The following NCSTN variants were observed in gnomAD, a reference collection of about 807,000 sequenced individuals.
The protein encoded by NCSTN is nicastrin, also known as anterior pharynx-defective 2.
A neutral mutation model predicts 87.0 loss-of-function variants in NCSTN; 22 were observed. That is an observed-to-expected ratio of 0.25 (90% confidence interval 0.18 to 0.36). NCSTN has a LOEUF of 0.36. Among genes scored for constraint, NCSTN ranks in the 10% least tolerant of loss-of-function variants. The probability of loss-of-function intolerance (pLI) is 1.00; values close to 1 mark genes in which losing one functional copy is unlikely to be tolerated. For missense variants in NCSTN, 693 were observed against 883.3 expected (o/e 0.78, Z 2.73); for synonymous variants, 306 against 327.1 (o/e 0.94, Z 0.69).
At position 160,350,105 on chromosome 1, in the gene NCSTN, G is replaced by T; in HGVS notation, c.437G>T (p.Gly146Val). The change falls in exon 5 of 17, where the codon GGT becomes GTT. Residue 146 changes from glycine to valine, a missense_variant and splice_region_variant. Physicochemically the swap from Gly to Val is moderately radical, Grantham distance 109. Coordinates refer to ENST00000294785, the MANE Select transcript of NCSTN (RefSeq NM_015331.3). ...PSVQCPNDGF[G>V]VYSNSYGPEF... ...CCCTATTCCCCATCCTTCCCTTCAG[G>T]TGTTTACTCCAATTCCTATGGGCCA... The T allele has an allele frequency of 6.2e-7, 1 of 1,613,898 alleles. No homozygotes were observed. The highest frequency in any genetic ancestry group is 8.5e-7 in the Non-Finnish European group (1 of 1,179,868).
At chr1:160,343,769 C>T in intron 1 of NCSTN, 1 of 656,036 alleles carries the variant, frequency 1.5e-6, no homozygotes, top group East Asian at 3.2e-5. Context: ...TTTCCCACAA[C>T]CCCAGCCACC....
At chr1:160,350,035 G>A (rs1648749074) in intron 4 of NCSTN, 70 bp from the exon 5 acceptor site, 3 of 1,554,674 alleles carry the variant, frequency 1.9e-6, no homozygotes, top group East Asian at 4.5e-5. Flanking sequence ...AGATTCTTCT[G>A]CCGTCACCTG....
chr1:160,356,578 C>T (rs977543033), intron 14 of NCSTN, 22 bp from the exon 15 acceptor site: 2 of 1,614,122 alleles, frequency 1.2e-6, no homozygotes, highest in African/African-American at 1.3e-5. Context: ...CAAATCTTCC[C>T]TTCCCTTTGG....
intron 10 of NCSTN, chr1:160,353,780 CT>C: frequency 1.1e-6 from 1 of 921,738 alleles, no homozygotes; most frequent in South Asian, 5.0e-5. Flanking sequence ...ACGCAGTTTT[CT>C]ATTATTATTT....
rs771455905 is a variant in NCSTN at position 160,356,331 on chromosome 1, C to T, written c.1623C>T (p.Asp541=). 1 of 1,611,442 alleles carries T rather than the reference C, an allele frequency of 6.2e-7. No homozygotes were observed. The change falls in exon 14 of 17, where the codon GAC becomes GAT. Residue 541 remains aspartate (D), a synonymous_variant. Transcript: ENST00000294785. ...NSWFQSILRQ[D]LRSYLGDGPL... is the part of the protein sequence containing the mutation. ...GGTTCCAGTCTATCCTCAGGCAGGA[C>T]CTAAGGTCCTACTTGGGTAAGCATC...
In NCSTN at chr1:160,351,949, C is replaced by T. The variant is rs908535441; in HGVS notation, c.844-105C>T. ...CTGGGCTGTGGGACTCCTGGGTTGT[C>T]TCCATTGCCACAGGACAGGTATATT... On this transcript the variant is annotated intron_variant, in intron 7 of 16. Transcript: ENST00000294785. The T allele has an allele frequency of 3.3e-6, 5 of 1,519,808 alleles. No individual in the cohort carries two copies. In the East Asian group the frequency reaches 6.8e-5, roughly 21 times the overall value. The allele number at this position is 1,519,808 out of a possible 1,614,324, so 94.1% of individuals were successfully genotyped here.
Position 160,358,410 on chromosome 1 carries a change from T to C in NCSTN, c.*139T>C, listed in dbSNP as rs1000729968. On this transcript the variant is annotated 3_prime_UTR_variant, in exon 17 of 17. Coordinates refer to ENST00000294785, the MANE Select transcript of NCSTN (RefSeq NM_015331.3). ...GGATTAACATAAAAGAGTGGAACTATCCAAAAGAGACAGGGAGAAATAAAT... is the reference window on the plus strand; with the variant it reads ...GGATTAACATAAAAGAGTGGAACTACCCAAAAGAGACAGGGAGAAATAAAT... The C allele has an allele frequency of 2.7e-6, 3 of 1,131,944 alleles. No homozygotes were observed. The highest frequency in any genetic ancestry group is 3.1e-5 in the African/African-American group (2 of 65,324). The allele number at this position is 1,131,944 out of a possible 1,614,324, so 70.1% of individuals were successfully genotyped here. A position where few individuals can be genotyped will look rare whatever the true frequency, so the allele number is the denominator to read the frequency against.
chr1:160,354,171 C>T lies in NCSTN; in HGVS notation c.1233C>T (p.Val411=). Residue 411 remains valine (V), a synonymous_variant, in exon 11 of 17, where the codon GTC becomes GTT. Coordinates refer to ENST00000294785, the MANE Select transcript of NCSTN (RefSeq NM_015331.3). ...LEKSGAGVPA[V]ILRRPNQSQP... Reference sequence around the variant, plus strand: ...AGAGTGGTGCTGGTGTCCCTGCTGTCATCCTCAGGAGGCCAAATCAGTCCC... The same window carrying T: ...AGAGTGGTGCTGGTGTCCCTGCTGTTATCCTCAGGAGGCCAAATCAGTCCC... The T allele has an allele frequency of 6.2e-7, 1 of 1,614,178 alleles. No homozygotes were observed. The highest frequency in any genetic ancestry group is 8.5e-7 in the Non-Finnish European group (1 of 1,180,014).
In NCSTN at chr1:160,349,564, G is replaced by T. The variant is rs533491979; in HGVS notation, c.330G>T (p.Lys110Asn). 6.2e-7 allele frequency: 1 copy of T among 1,614,154 alleles called. No individual in the cohort carries two copies. The highest frequency in any genetic ancestry group is 8.5e-7 in the Non-Finnish European group (1 of 1,180,022). ...SKHFTRDLME[K>N]LKGRTSRIAG... ...CCTATTCCAGGGATTTAATGGAGAA[G>T]CTGAAAGGGAGAACCAGCCGAATTG... Residue 110 changes from lysine (K) to asparagine (N), a missense_variant, in exon 4 of 17, where the codon AAG becomes AAT. Lys to Asn is a moderately conservative substitution (Grantham distance 94, BLOSUM62 0). Coordinates refer to ENST00000294785, the MANE Select transcript of NCSTN (RefSeq NM_015331.3).
chr1:160,348,734 G>T (rs1196026981), intron 2 of NCSTN, among the ~76,000 whole-genome samples: 1 of 152,174 alleles, frequency 6.6e-6, no homozygotes, highest in Non-Finnish European at 1.5e-5. Context: ...GCTAAATAAG[G>T]TTGAGGGCAG....
Position 160,355,702 on chromosome 1 carries a change from A to C in NCSTN, c.1400A>C (p.Tyr467Ser), listed in dbSNP as rs764861082. Residue 467 changes from tyrosine (Y) to serine (S), a missense_variant, in exon 12 of 17, where the codon TAT becomes TCT. Coordinates refer to ENST00000294785, the MANE Select transcript of NCSTN (RefSeq NM_015331.3). ...ACTGCTGAGAACATTAATGTGAGCT[A>C]TCCCGAATGGCTGAGCCCTGAAGAG... ...YDTAENINVSYPEWLSPEEDL... is the reference protein window; with the variant it reads ...YDTAENINVSSPEWLSPEEDL... 9 of 1,614,090 alleles carry C rather than the reference A, an allele frequency of 5.6e-6. No individual in the cohort carries two copies. The highest frequency in any genetic ancestry group is 7.6e-6 in the Non-Finnish European group (9 of 1,180,024).
In NCSTN at chr1:160,353,141, T is replaced by G. The variant is rs1648955576; in HGVS notation, c.1102-19T>G. On this transcript the variant is annotated intron_variant, in intron 9 of 16. Coordinates refer to ENST00000294785, the MANE Select transcript of NCSTN (RefSeq NM_015331.3). The stretch of plus-strand genomic sequence containing the variant: ...ACAGGAGACTGATTCTAAGTGTTGT[T>G]TCTTCATCCTCCCCCCAGGTGGCCT... 1 of 1,612,928 alleles carries G rather than the reference T, an allele frequency of 6.2e-7. No individual in the cohort carries two copies.
intron 8 of NCSTN, 128 bp downstream of exon 8, chr1:160,352,334 T>C: frequency 2.8e-6 from 3 of 1,088,812 alleles, no homozygotes; most frequent in Non-Finnish European, 4.0e-6. Flanking sequence ...CTTCTGGATG[T>C]GTCTACATGT....
chr1:160,351,840 T>A, intron 7 of NCSTN, 35 bp downstream of exon 7: 1 of 1,553,220 alleles, frequency 6.4e-7, no homozygotes. Flanking sequence ...TGGGCAGGGC[T>A]GGCACAAAAA....
Position 160,351,769 on chromosome 1 carries a change from A to G in NCSTN, c.807A>G (p.Leu269=). The G allele has an allele frequency of 6.2e-7, 1 of 1,613,362 alleles. No individual in the cohort carries two copies. Among genetic ancestry groups the G allele is most frequent in the Non-Finnish European group, 8.5e-7 (1 of 1,179,250 alleles). Residue 269 remains leucine, a synonymous_variant, in exon 7 of 17, where the codon TTA becomes TTG. Transcript: ENST00000294785. The stretch of plus-strand genomic sequence containing the variant: ...AGCCTATAAATACAACTGGGACATT[A>G]AAGCCTGACGACAGGGTTGTGGTTG... ...MLKPINTTGT[L]KPDDRVVVAA...
Position 160,355,662 on chromosome 1 carries a change from C to T in NCSTN, c.1360C>T (p.Gln454Ter). Residue 454 changes from glutamine to a stop codon, truncating the protein, a stop_gained, in exon 12 of 17, where the codon CAG (glutamine) becomes TAG (stop). Coordinates refer to ENST00000294785, the MANE Select transcript of NCSTN (RefSeq NM_015331.3). LOFTEE classifies it high-confidence loss of function. ...TGCCGGCTTTCCTGGCAGATATTAC[C>T]AGAGTATTTACGACACTGCTGAGAA... ...HSGAFHNKYY[Q>*]SIYDTAENIN... 2 of 1,613,454 alleles carry T rather than the reference C, an allele frequency of 1.2e-6. No individual in the cohort carries two copies. Among genetic ancestry groups the T allele is most frequent in the Non-Finnish European group, 1.7e-6 (2 of 1,179,376 alleles).
At chr1:160,351,961 A>G (rs1648873101) in intron 7 of NCSTN, 93 bp from the exon 8 acceptor site, 1 of 1,545,200 alleles carries the variant, frequency 6.5e-7, no homozygotes, top group Non-Finnish European at 8.9e-7. Flanking sequence ...CCATTGCCAC[A>G]GGACAGGTAT....
At chr1:160,356,033 C>A in intron 13 of NCSTN, 75 bp downstream of exon 13, 1 of 1,398,066 alleles carries the variant, frequency 7.2e-7, no homozygotes, top group Non-Finnish European at 1.0e-6. Flanking sequence ...CCCTAGTGTC[C>A]CAAACCTTGG....
At chr1:160,343,544 G>A in intron 1 of NCSTN, 63 bp downstream of exon 1, 6 of 1,439,498 alleles carry the variant, frequency 4.2e-6, no homozygotes, top group African/African-American at 1.4e-5. Flanking sequence ...GCCCCGCCGC[G>A]ACCGCCACTG....
Sources: gnomAD v4.1 joint callset for allele counts (sites outside exome capture counted in the v4.1 genomes callset) on GRCh38, gnomAD v4.1.1 for gene constraint, MANE v1.5 for transcripts, NCBI Gene and HGNC (gene_info 2026-07-23, HGNC 2026-07-21) for gene names.